The following KMT2C variants were observed in gnomAD, a reference collection of about 807,000 sequenced individuals.
KMT2C encodes the protein lysine methyltransferase 2C.
Under a neutral mutation model 507.9 loss-of-function variants are expected in KMT2C, and 88 were observed. That is an observed-to-expected ratio of 0.17 (90% CI 0.15 to 0.21). KMT2C has a LOEUF of 0.21. Among genes scored for constraint, KMT2C ranks in the 10% least tolerant of loss-of-function variants. The pLI is 1.00. For missense variants in KMT2C, 4,954 were observed against 5,957.8 expected, an observed-to-expected ratio of 0.83 and a Z score of 5.55; for synonymous variants, 2,049 against 2,080.8, an observed-to-expected ratio of 0.98 and a Z score of 0.42.
rs2093909233 is a variant in KMT2C at position 152,194,632 on chromosome 7, A to G, written c.4379-64T>C. On this transcript the variant is annotated intron_variant, in intron 28 of 58. Coordinates refer to ENST00000262189, the MANE Select transcript of KMT2C (RefSeq NM_170606.3). ...GAATACTCACACAAAAATGTATAGC[A>G]CTATTTACCTGTACTTAGTATATAA... 5 of 1,246,636 alleles carry G rather than the reference A, an allele frequency of 4.0e-6. No homozygotes were observed. In the South Asian group the frequency reaches 6.2e-5, roughly 15 times the overall value. 77.2% of individuals were successfully genotyped at this position (1,246,636 alleles called of 1,614,324 possible). A position where few individuals can be genotyped will look rare whatever the true frequency, so the allele number is the denominator to read the frequency against.
intron 1 of KMT2C, among the ~76,000 whole-genome samples, chr7:152,413,230 T>C (rs934730870): frequency 5.9e-5 from 9 of 152,140 alleles, no homozygotes; most frequent in African/African-American, 1.9e-4. Context: ...TCTTCCCACC[T>C]CAGCCTCCCG....
At chr7:152,397,879 A>G (rs1313526310) in intron 1 of KMT2C, among the ~76,000 whole-genome samples, 1 of 152,160 alleles carries the variant, frequency 6.6e-6, no homozygotes, top group Non-Finnish European at 1.5e-5. Flanking sequence ...TGGAACTATG[A>G]GTCTATTAAA....
At chr7:152,418,033 A>C (rs1364035870) in intron 1 of KMT2C, among the ~76,000 whole-genome samples, 1 of 150,944 alleles carries the variant, frequency 6.6e-6, no homozygotes, top group Non-Finnish European at 1.5e-5. Flanking sequence ...GCTCACTGCA[A>C]CCTTTGCCTC....
At chr7:152,241,847 T>C (rs1263906056) in intron 14 of KMT2C, among the ~76,000 whole-genome samples, 1 of 152,234 alleles carries the variant, frequency 6.6e-6, no homozygotes, top group African/African-American at 2.4e-5. Flanking sequence ...AATAATTTTA[T>C]TTCAGAAGTA....
In KMT2C at chr7:152,187,302, G is replaced by A. The variant is rs2093656348; in HGVS notation, c.4968C>T (p.Tyr1656=). The A allele has an allele frequency of 6.2e-7, 1 of 1,613,908 alleles. No individual in the cohort carries two copies. Among genetic ancestry groups the A allele is most frequent in the Non-Finnish European group, 8.5e-7 (1 of 1,179,926 alleles). The change falls in exon 33 of 59, where the codon TAC becomes TAT. Residue 1656 remains tyrosine, a synonymous_variant. Transcript: ENST00000262189. ...GEMATVAPVL[Y]TNINFPNLKE... ...TTAAGTTGGGGAAATTAATATTGGTGTAGAGAACTGGGGCAACAGTTGCCA... is the reference window on the plus strand; with the variant it reads ...TTAAGTTGGGGAAATTAATATTGGTATAGAGAACTGGGGCAACAGTTGCCA...
intron 1 of KMT2C, among the ~76,000 whole-genome samples, chr7:152,381,245 T>A (rs201974713): frequency 6.9e-6 from 1 of 144,514 alleles, no homozygotes; most frequent in Admixed American, 6.9e-5. Context: ...TTTAGTGGGA[T>A]TGATTCTGTA....
In KMT2C at chr7:152,230,364, A is replaced by G. The variant is rs573630161; in HGVS notation, c.2770-43T>C. ...CACAGAATACGAAGTTATATTTTTC[A>G]CTTGTTTTACACTTAACTGGAAAGC... On this transcript the variant is annotated intron_variant, in intron 16 of 58. Transcript: ENST00000262189. 119 of 867,510 alleles carry G rather than the reference A, an allele frequency of 1.4e-4. No individual in the cohort carries two copies. In the South Asian group the frequency reaches 2.0e-3, roughly 14 times the overall value. The allele number at this position is 867,510 out of a possible 1,614,324, so 53.7% of individuals were successfully genotyped here.
intron 12 of KMT2C, among the ~76,000 whole-genome samples, 185 bp downstream of exon 12, chr7:152,250,668 T>C (rs750792227): frequency 8.5e-5 from 13 of 152,220 alleles, no homozygotes; most frequent in African/African-American, 1.2e-4. Context: ...TAAGTCTAGA[T>C]GGTAGCTGAA....
chr7:152,330,682 T>G lies in KMT2C; in HGVS notation c.308A>C (p.Gln103Pro). ...AGATCGCTGAAGAGTTGGAATTAGC[T>G]GTTTGCTGTTATCCACTTCTGCTTC... Reference protein sequence around the residue: ...DAEAEVDNSKQLIPTLQRSVS... With the variant: ...DAEAEVDNSKPLIPTLQRSVS... The change falls in exon 3 of 59, where the codon CAG becomes CCG. Residue 103 changes from glutamine to proline, a missense_variant. Gln to Pro is a moderately conservative substitution (Grantham distance 76, BLOSUM62 -1). Coordinates refer to ENST00000262189, the MANE Select transcript of KMT2C (RefSeq NM_170606.3). 1 of 1,613,976 alleles carries G rather than the reference T, an allele frequency of 6.2e-7. No homozygotes were observed. Among genetic ancestry groups the G allele is most frequent in the Non-Finnish European group, 8.5e-7 (1 of 1,179,840 alleles).
chr7:152,178,937 T>C (rs954995187), intron 37 of KMT2C, among the ~76,000 whole-genome samples: 4 of 152,230 alleles, frequency 2.6e-5, no homozygotes, highest in Non-Finnish European at 4.4e-5. Context: ...TATCTCACCA[T>C]GGAAAGTTCC....
At chr7:152,378,647 G>A (rs1279044537) in intron 1 of KMT2C, among the ~76,000 whole-genome samples, 5 of 152,098 alleles carry the variant, frequency 3.3e-5, no homozygotes, top group Non-Finnish European at 7.3e-5. Flanking sequence ...AGGTATGCCT[G>A]TATTTACTTT....
rs1346105410 is a variant in KMT2C at position 152,163,353 on chromosome 7, T to C, written c.10224A>G (p.Gln3408=). ...RERKERLREQ[Q]ERQRIQLMQE... is the part of the protein sequence containing the mutation. Reference sequence around the variant, plus strand: ...GCATGAGTTGGATCCGTTGTCTCTCTTGCTGTTCTCGTAAACGTTCCTTAC... The same window carrying C: ...GCATGAGTTGGATCCGTTGTCTCTCCTGCTGTTCTCGTAAACGTTCCTTAC... Residue 3408 remains glutamine (Q), a synonymous_variant, in exon 43 of 59, where the codon CAA becomes CAG. Coordinates refer to ENST00000262189, the MANE Select transcript of KMT2C (RefSeq NM_170606.3). 5 of 1,614,096 alleles carry C rather than the reference T, an allele frequency of 3.1e-6. No homozygotes were observed. The highest frequency in any genetic ancestry group is 2.7e-5 in the African/African-American group (2 of 74,936).
At chr7:152,349,581 G>C (rs545804590) in intron 2 of KMT2C, among the ~76,000 whole-genome samples, 2 of 151,938 alleles carry the variant, frequency 1.3e-5, no homozygotes, top group African/African-American at 2.4e-5. Context: ...CTCTGGAAAA[G>C]GCAAAACTAT....
rs970894729 is a variant in KMT2C, at chr7:152,197,659, A to G, written c.4273+1620T>C. On this transcript the variant is annotated intron_variant, in intron 27 of 58. Coordinates refer to ENST00000262189, the MANE Select transcript of KMT2C (RefSeq NM_170606.3). ...GGAATTCTACTATACAATTATAACT[A>G]ATTTTTTAAAGACTGTTTTACAAGT... Among the ~76,000 whole-genome samples, 4 of 152,268 alleles carry G rather than the reference A, an allele frequency of 2.6e-5. No homozygotes were observed. The East Asian group carries it at 7.7e-4, about 29-fold the overall frequency.
intron 33 of KMT2C, among the ~76,000 whole-genome samples, chr7:152,186,078 G>A (rs1032485653): frequency 2.6e-5 from 4 of 152,268 alleles, no homozygotes; most frequent in Admixed American, 2.0e-4. Context: ...AAAGTAATGA[G>A]TTCAAACCAT....
chr7:152,220,676 A>C lies in KMT2C; in HGVS notation c.3559T>G (p.Leu1187Val), dbSNP rs2094736980. Residue 1187 changes from leucine (L) to valine (V), a missense_variant, in exon 23 of 59, where the codon TTA (leucine) becomes GTA (valine). Transcript: ENST00000262189. ...VCLTESGMTQLQSLTVTVPRR... is the reference protein window; with the variant it reads ...VCLTESGMTQVQSLTVTVPRR... ...GGAACTGTAACTGTGAGGCTCTGTA[A>C]CTGAGTCATCCCTGATTCAGTCAAA... The C allele has an allele frequency of 1.9e-6, 3 of 1,611,574 alleles. No individual in the cohort carries two copies. The highest frequency in any genetic ancestry group is 2.5e-6 in the Non-Finnish European group (3 of 1,179,666).
At chr7:152,343,867 C>T (rs2097024749) in intron 2 of KMT2C, among the ~76,000 whole-genome samples, 1 of 152,110 alleles carries the variant, frequency 6.6e-6, no homozygotes, top group Non-Finnish European at 1.5e-5. Context: ...AATTTGTTGT[C>T]AGATGACCTA....
Position 152,199,197 on chromosome 7 carries a change from A to G in KMT2C, c.4273+82T>C. 1.7e-6 allele frequency: 2 copies of G among 1,200,058 alleles called. 1 individual carries two copies. Among genetic ancestry groups the G allele is most frequent in the Admixed American group, 5.8e-5 (2 of 34,752 alleles). The allele number at this position is 1,200,058 out of a possible 1,614,324, so 74.3% of individuals were successfully genotyped here. On this transcript the variant is annotated intron_variant, in intron 27 of 58. Transcript: ENST00000262189. ...TTTAAAATGCATATGAGGCCAAACA[A>G]AAACATTTCAAAAAGATTTAACTGA... is the stretch of plus-strand genomic sequence containing the variant.
At chr7:152,318,116 C>T (rs1439663281) in intron 3 of KMT2C, among the ~76,000 whole-genome samples, 1 of 151,762 alleles carries the variant, frequency 6.6e-6, no homozygotes, top group Non-Finnish European at 1.5e-5. Context: ...CCAGCCTAGG[C>T]GACAGAGCAA....
Sources: gnomAD v4.1 joint callset for allele counts (sites outside exome capture counted in the v4.1 genomes callset) on GRCh38, gnomAD v4.1.1 for gene constraint, MANE v1.5 for transcripts, NCBI Gene and HGNC (gene_info 2026-07-23, HGNC 2026-07-21) for gene names.